Variants in PNPLA8 observed in about 807,000 individuals in gnomAD.
PNPLA8 encodes calcium-independent phospholipase A2-gamma.
PNPLA8 carries 39 observed loss-of-function variants against 76.9 expected under a neutral mutation model. The ratio of observed to expected loss-of-function variants is 0.51; its 90% CI spans 0.39 to 0.66. The LOEUF is 0.66. Ranked by LOEUF, PNPLA8 falls within the 30% of genes least tolerant of loss-of-function variation. PNPLA8 has a pLI of 0.00. For missense variants in PNPLA8, 887 were observed against 918.0 expected, an observed-to-expected ratio of 0.97 and a Z score of 0.44; for synonymous variants, 301 against 307.9, an observed-to-expected ratio of 0.98 and a Z score of 0.24.
intron 4 of PNPLA8, among the ~76,000 whole-genome samples, chr7:108,507,319 G>C (rs1433855315): frequency 1.5e-5 from 2 of 132,722 alleles, no homozygotes; most frequent in Non-Finnish European, 3.1e-5. Flanking sequence ...CTCCAGCCTG[G>C]TGACAGAGTA....
chr7:108,526,462 T>TGGGC (rs2154517417), upstream of PNPLA8: 1 of 153,366 alleles, frequency 6.5e-6, no homozygotes, highest in Non-Finnish European at 1.5e-5. Context: ...TTTGCCTTCC[T>TGGGC]GGGCGGGACC....
At chr7:108,487,729 TA>T (rs757079808) in intron 9 of PNPLA8, 29 bp downstream of exon 9, 5 of 1,433,372 alleles carry the variant, frequency 3.5e-6, no homozygotes, top group Non-Finnish European at 4.8e-6. Flanking sequence ...ATGTAAAATT[TA>T]AAAAAATAAG....
chr7:108,500,079 A>G (rs542400079), intron 5 of PNPLA8, among the ~76,000 whole-genome samples: 2 of 152,244 alleles, frequency 1.3e-5, no homozygotes, highest in African/African-American at 4.8e-5. Flanking sequence ...TTCCTTCTCT[A>G]CAATGCAAAC....
intron 4 of PNPLA8, chr7:108,511,056 A>G (rs40873): frequency 0.24 from 154,338 of 647,142 alleles, 19,027 homozygotes; most frequent in African/African-American, 0.31. Flanking sequence ...AAAAAAAAAA[A>G]AAAGAAAACT....
At chr7:108,525,315 C>T (rs946603687) in intron 1 of PNPLA8, among the ~76,000 whole-genome samples, 3 of 152,170 alleles carry the variant, frequency 2.0e-5, no homozygotes, top group African/African-American at 7.2e-5. Flanking sequence ...ACTGCAGAAC[C>T]AGGATACAAC....
chr7:108,499,329 T>C (rs1196009713), intron 5 of PNPLA8, among the ~76,000 whole-genome samples: 1 of 152,248 alleles, frequency 6.6e-6, no homozygotes, highest in Non-Finnish European at 1.5e-5. Context: ...GTTGTACTCA[T>C]AAATTCCGAA....
intron 5 of PNPLA8, among the ~76,000 whole-genome samples, chr7:108,501,511 T>C (rs1189997152): frequency 1.3e-5 from 2 of 152,182 alleles, no homozygotes; most frequent in Non-Finnish European, 2.9e-5. Context: ...TTGATATATA[T>C]GGGTAAGATA....
chr7:108,515,065 C>T lies in PNPLA8; in HGVS notation c.427G>A (p.Gly143Ser). 2 of 1,608,002 alleles carry T rather than the reference C, an allele frequency of 1.2e-6. No individual in the cohort carries two copies. The highest frequency in any genetic ancestry group is 1.7e-6 in the Non-Finnish European group (2 of 1,179,534). ...SQILRKVSDS[G>S]WLKQKNIKQA... ...TTGATGTTTTTCTGTTTTAACCAGC[C>T]ACTATCCGATACTTTTCTTAAAATT... is the stretch of plus-strand genomic sequence containing the variant. The change falls in exon 3 of 11, where the codon GGC becomes AGC. Residue 143 changes from glycine to serine, a missense_variant. Transcript: ENST00000257694.
Position 108,514,886 on chromosome 7 carries a change from G to A in PNPLA8, c.606C>T (p.Asp202=), listed in dbSNP as rs757138600. 3.7e-6 allele frequency: 6 copies of A among 1,607,436 alleles called. No homozygotes were observed. The highest frequency in any genetic ancestry group is 5.1e-6 in the Non-Finnish European group (6 of 1,175,910). The change falls in exon 3 of 11, where the codon GAC becomes GAT. Residue 202 remains aspartate, a synonymous_variant. Coordinates refer to ENST00000257694, the MANE Select transcript of PNPLA8 (RefSeq NM_001256007.3). ...YTSSITTKFG[D]SFYFLSNHIN... is the part of the protein sequence containing the mutation. ...TATGATTTGATAAAAAGTAGAATGAGTCTCCAAATTTTGTGGTTATAGAAC... is the reference window on the plus strand; with the variant it reads ...TATGATTTGATAAAAAGTAGAATGAATCTCCAAATTTTGTGGTTATAGAAC...
chr7:108,514,206 T>C lies in PNPLA8; in HGVS notation c.1144A>G (p.Arg382Gly). ...AGATGAAAAGTCAGTTCTTCAACCC[T>C]AGTAATGCAGAGCTTTGGGTCAGTT... is the stretch of plus-strand genomic sequence containing the variant. Reference protein sequence around the residue: ...RTTDPKLCITRVEELTFHLLE... With the variant: ...RTTDPKLCITGVEELTFHLLE... The change falls in exon 4 of 11, where the codon AGG (arginine) becomes GGG (glycine). Residue 382 changes from arginine (R) to glycine (G), a missense_variant. Transcript: ENST00000257694. 6.2e-7 allele frequency: 1 copy of C among 1,608,290 alleles called. No homozygotes were observed. Among genetic ancestry groups the C allele is most frequent in the Non-Finnish European group, 8.5e-7 (1 of 1,174,798 alleles).
chr7:108,495,471 T>G (rs1861481915), intron 7 of PNPLA8, among the ~76,000 whole-genome samples: 1 of 152,142 alleles, frequency 6.6e-6, no homozygotes, highest in Non-Finnish European at 1.5e-5. Context: ...ACATATACAC[T>G]TGTCTATCTG....
Position 108,514,582 on chromosome 7 carries a change from C to G in PNPLA8, c.910G>C (p.Gly304Arg). The change falls in exon 3 of 11, where the codon GGT becomes CGT. Residue 304 changes from glycine (G) to arginine (R), a missense_variant. Physicochemically the swap from Gly to Arg is moderately radical, Grantham distance 125. Transcript: ENST00000257694. ...PTEGVQALVGGYIGGLVPKLK... is the reference protein window; with the variant it reads ...PTEGVQALVGRYIGGLVPKLK... ...TTGGGGACAAGTCCACCAATATAAC[C>G]ACCTACTAAAGCTTGTACACCTTCC... 1.2e-6 allele frequency: 2 copies of G among 1,614,042 alleles called. No individual in the cohort carries two copies. Among genetic ancestry groups the G allele is most frequent in the Non-Finnish European group, 1.7e-6 (2 of 1,179,966 alleles).
At position 108,514,745 on chromosome 7, in the gene PNPLA8, T is replaced by G; in HGVS notation, c.747A>C (p.Pro249=). The G allele has an allele frequency of 6.2e-7, 1 of 1,613,648 alleles. No individual in the cohort carries two copies. The highest frequency in any genetic ancestry group is 8.5e-7 in the Non-Finnish European group (1 of 1,179,684). The change falls in exon 3 of 11, where the codon CCA becomes CCC. Residue 249 remains proline (P), a synonymous_variant. Transcript: ENST00000257694. ...KKVEEGKLRS[P]DPGILAYKPG... is the part of the protein sequence containing the mutation. Reference sequence around the variant, plus strand: ...GCTTATAAGCCAGGATGCCAGGATCTGGAGATCTTAATTTCCCCTCTTCTA... The same window carrying G: ...GCTTATAAGCCAGGATGCCAGGATCGGGAGATCTTAATTTCCCCTCTTCTA...
intron 1 of PNPLA8, among the ~76,000 whole-genome samples, chr7:108,525,413 C>T (rs1747706410): frequency 1.3e-5 from 2 of 152,260 alleles, no homozygotes; most frequent in African/African-American, 4.8e-5. Context: ...TATGAGTCAC[C>T]ATTTTAAAGT....
At chr7:108,514,122 G>C (rs903942046) in intron 4 of PNPLA8, 22 bp downstream of exon 4, 1 of 1,530,356 alleles carries the variant, frequency 6.5e-7, no homozygotes, top group East Asian at 2.3e-5. Flanking sequence ...GACAAAACTA[G>C]ATTAAATAAA....
rs114710019 is a variant in PNPLA8 at position 108,503,646 on chromosome 7, G to A, written c.1207-1004C>T. 5.3e-3 allele frequency among the ~76,000 whole-genome samples: 804 copies of A among 152,298 alleles called. 9 individuals are homozygous for A. Among genetic ancestry groups the A allele is most frequent in the African/African-American group, 0.015 (638 of 41,554 alleles). ...CATCTGTTTAAAGGCATCAGACAGA[G>A]AGCTGCTGAAGCAACAAGAACAGAT... On this transcript the variant is annotated intron_variant, in intron 4 of 10. Coordinates refer to ENST00000257694, the MANE Select transcript of PNPLA8 (RefSeq NM_001256007.3).
chr7:108,479,331 A>C lies in PNPLA8; in HGVS notation c.1927T>G (p.Cys643Gly). Residue 643 changes from cysteine (C) to glycine (G), a missense_variant, in exon 10 of 11, where the codon TGT becomes GGT. Cys to Gly is a radical substitution (Grantham distance 159). Coordinates refer to ENST00000257694, the MANE Select transcript of PNPLA8 (RefSeq NM_001256007.3). ...NNPSALAMHECKCLWPDVPLE... is the reference protein window; with the variant it reads ...NNPSALAMHEGKCLWPDVPLE... ...GGCACATCTGGCCAAAGACATTTACACTCATGCATAGCTAATGCCGAAGGG... is the reference window on the plus strand; with the variant it reads ...GGCACATCTGGCCAAAGACATTTACCCTCATGCATAGCTAATGCCGAAGGG... 1 of 1,613,752 alleles carries C rather than the reference A, an allele frequency of 6.2e-7. No homozygotes were observed. Among genetic ancestry groups the C allele is most frequent in the Non-Finnish European group, 8.5e-7 (1 of 1,179,702 alleles).
At chr7:108,507,597 G>C (rs1045213657) in intron 4 of PNPLA8, among the ~76,000 whole-genome samples, 4 of 152,046 alleles carry the variant, frequency 2.6e-5, no homozygotes, top group African/African-American at 9.7e-5. Context: ...AGTGAGTGAA[G>C]ACTATGGCAC....
At chr7:108,504,793 C>G (rs1210698782) in intron 4 of PNPLA8, among the ~76,000 whole-genome samples, 2 of 152,144 alleles carry the variant, frequency 1.3e-5, no homozygotes, top group Non-Finnish European at 2.9e-5. Context: ...AATACTGTGT[C>G]TGGCTGGGCA....
Sources: gnomAD v4.1 joint callset for allele counts (sites outside exome capture counted in the v4.1 genomes callset) on GRCh38, gnomAD v4.1.1 for gene constraint, MANE v1.5 for transcripts, NCBI Gene and HGNC (gene_info 2026-07-23, HGNC 2026-07-21) for gene names.